Variants in CTNND2 observed in about 807,000 individuals in gnomAD.
CTNND2 encodes catenin delta 2.
Under a neutral mutation model 144.4 loss-of-function variants are expected in CTNND2, and 22 were observed. The ratio of observed to expected loss-of-function variants is 0.15; its 90% CI spans 0.11 to 0.22. The LOEUF (loss-of-function observed/expected upper bound fraction) is 0.22, where lower values mean the gene tolerates loss of function less well. Ranked by LOEUF, CTNND2 falls within the 10% of genes least tolerant of loss-of-function variation. The pLI is 1.00. For missense variants in CTNND2, 1,353 were observed against 1,618.8 expected, an observed-to-expected ratio of 0.84 and a Z score of 2.82; for synonymous variants, 751 against 695.6, an observed-to-expected ratio of 1.08 and a Z score of -1.25.
chr5:11,003,295 T>C (rs1232278762), intron 18 of CTNND2, among the ~76,000 whole-genome samples: 1 of 152,196 alleles, frequency 6.6e-6, no homozygotes, highest in Non-Finnish European at 1.5e-5. Context: ...GGCTTAGTAC[T>C]TACATTCACA....
chr5:11,596,679 G>A (rs1159205444), intron 2 of CTNND2, among the ~76,000 whole-genome samples: 2 of 152,024 alleles, frequency 1.3e-5, no homozygotes, highest in Non-Finnish European at 2.9e-5. Flanking sequence ...CATTTAGGCT[G>A]GAACATTTTG....
At chr5:11,658,674 C>T (rs573638421) in intron 2 of CTNND2, among the ~76,000 whole-genome samples, 3 of 152,144 alleles carry the variant, frequency 2.0e-5, no homozygotes, top group Non-Finnish European at 4.4e-5. Context: ...CCTGGCTTCA[C>T]GCACTCAGCT....
chr5:11,065,099 C>T (rs964773875), intron 16 of CTNND2, among the ~76,000 whole-genome samples: 5 of 152,162 alleles, frequency 3.3e-5, no homozygotes, highest in African/African-American at 1.2e-4. Flanking sequence ...TTTGAGTTAA[C>T]GAGGGGTGGA....
At chr5:11,662,271 GTGTATA>G (rs1561669611) in intron 2 of CTNND2, among the ~76,000 whole-genome samples, 3 of 115,670 alleles carry the variant, frequency 2.6e-5, no homozygotes, top group Non-Finnish European at 3.4e-5. Flanking sequence ...ATGTGTGTGT[GTGTATA>G]TATATATATA....
intron 1 of CTNND2, among the ~76,000 whole-genome samples, chr5:11,831,536 C>T (rs1458034323): frequency 2.0e-5 from 3 of 151,848 alleles, no homozygotes; most frequent in Admixed American, 6.6e-5. Flanking sequence ...GGTGTGCTGG[C>T]GGGCGCCTGT....
chr5:11,545,143 A>G (rs1775116012), intron 3 of CTNND2, among the ~76,000 whole-genome samples: 1 of 150,988 alleles, frequency 6.6e-6, no homozygotes, highest in Non-Finnish European at 1.5e-5. Context: ...AAAGGAAAAA[A>G]AAAAAAAAGA....
chr5:11,858,301 T>C (rs987770295), intron 1 of CTNND2, among the ~76,000 whole-genome samples: 1 of 152,208 alleles, frequency 6.6e-6, no homozygotes, highest in African/African-American at 2.4e-5. Flanking sequence ...GATGTCAGTA[T>C]ACATGCACAC....
chr5:11,056,119 T>C (rs1746330018), intron 16 of CTNND2, among the ~76,000 whole-genome samples: 1 of 152,216 alleles, frequency 6.6e-6, no homozygotes, highest in African/African-American at 2.4e-5. Flanking sequence ...GCTAAGTACA[T>C]GCTTGAATAA....
chr5:11,532,752 G>A (rs571184746), intron 3 of CTNND2, among the ~76,000 whole-genome samples: 3 of 152,334 alleles, frequency 2.0e-5, no homozygotes, highest in African/African-American at 7.2e-5. Context: ...ACATTTGCTA[G>A]TCAGGAAATA....
At chr5:11,622,030 T>C (rs1429012626) in intron 2 of CTNND2, among the ~76,000 whole-genome samples, 5 of 152,292 alleles carry the variant, frequency 3.3e-5, no homozygotes, top group Non-Finnish European at 7.4e-5. Context: ...AATGGATGCT[T>C]AAAAATCCAA....
chr5:11,627,903 T>A (rs1402861074), intron 2 of CTNND2, among the ~76,000 whole-genome samples: 1 of 151,182 alleles, frequency 6.6e-6, no homozygotes, highest in Non-Finnish European at 1.5e-5. Context: ...ACAACCTAGA[T>A]CCCTCACATG....
chr5:11,179,451 C>G (rs562179528), intron 11 of CTNND2, among the ~76,000 whole-genome samples: 1 of 152,050 alleles, frequency 6.6e-6, no homozygotes, highest in African/African-American at 2.4e-5. Context: ...AACTCCTGAC[C>G]TCAGATGATC....
At chr5:11,406,818 T>C (rs1367925462) in intron 5 of CTNND2, among the ~76,000 whole-genome samples, 2 of 142,786 alleles carry the variant, frequency 1.4e-5, no homozygotes, top group Non-Finnish European at 3.0e-5. Context: ...AAACTTATAA[T>C]AATATGTACT....
chr5:11,011,798 AG>A (rs1741119328), intron 18 of CTNND2, among the ~76,000 whole-genome samples: 1 of 152,190 alleles, frequency 6.6e-6, no homozygotes, highest in African/African-American at 2.4e-5. Context: ...ACCAGCTTTC[AG>A]CACCTAGCAC....
At chr5:11,629,838 C>T (rs1255840347) in intron 2 of CTNND2, among the ~76,000 whole-genome samples, 1 of 151,930 alleles carries the variant, frequency 6.6e-6, no homozygotes, top group East Asian at 1.9e-4. Flanking sequence ...TCTGGCCTCA[C>T]TCATTATTTT....
intron 9 of CTNND2, among the ~76,000 whole-genome samples, chr5:11,273,492 T>G (rs1347599603): frequency 1.3e-5 from 2 of 152,246 alleles, no homozygotes; most frequent in Admixed American, 6.5e-5. Flanking sequence ...GATGCCTTCA[T>G]TAAAAATAAC....
chr5:11,891,003 G>A (rs903938842), intron 1 of CTNND2, among the ~76,000 whole-genome samples: 3 of 152,324 alleles, frequency 2.0e-5, no homozygotes, highest in African/African-American at 7.2e-5. Context: ...AGCTCACAGT[G>A]GGTTGGCCAG....
intron 9 of CTNND2, among the ~76,000 whole-genome samples, chr5:11,276,162 G>T (rs1385652635): frequency 6.6e-6 from 1 of 152,176 alleles, no homozygotes; most frequent in African/African-American, 2.4e-5. Flanking sequence ...TGTCTCCCTG[G>T]CTTCTGACAT....
chr5:11,504,029 A>C (rs114418715), intron 3 of CTNND2, among the ~76,000 whole-genome samples: 1,928 of 152,324 alleles, frequency 0.013, 17 homozygotes, highest in Non-Finnish European at 0.018. Flanking sequence ...TCATTCTGAA[A>C]GATAATTATC....
Sources: allele counts gnomAD v4.1 joint callset (sites outside exome capture counted in the v4.1 genomes callset), GRCh38; gene constraint gnomAD v4.1.1; transcripts MANE v1.5; gene names NCBI Gene and HGNC (gene_info 2026-07-23, HGNC 2026-07-21).